TTLL13: variants seen among roughly 807,000 people sequenced by gnomAD.
The protein encoded by TTLL13 is tubulin polyglutamylase TTLL13.
At chr15:90,264,063 GTA>G in the TTLL13 span, 1 of 1,522,128 alleles carries the variant, frequency 6.6e-7, no homozygotes, top group South Asian at 1.2e-5. Context: ...CTAGCCGTAA[GTA>G]TGCAAAACTA....
the TTLL13 span, chr15:90,256,173 G>T: frequency 1.2e-6 from 2 of 1,614,158 alleles, no homozygotes. Flanking sequence ...GGTCGTCAGC[G>T]AAAAGCCCGC....
chr15:90,264,892 G>T, the TTLL13 span: 1 of 1,536,122 alleles, frequency 6.5e-7, no homozygotes, highest in Non-Finnish European at 8.7e-7. Context: ...GAGCAGCCAA[G>T]GTTCCCCTCT....
At chr15:90,256,708 C>T in the TTLL13 span, among the ~76,000 whole-genome samples, 3 of 150,876 alleles carry the variant, frequency 2.0e-5, no homozygotes, top group African/African-American at 4.9e-5. Flanking sequence ...CTCTTTCTTT[C>T]GATGGAGTCT....
the TTLL13 span, among the ~76,000 whole-genome samples, chr15:90,254,282 CAGG>C: frequency 2.6e-5 from 4 of 151,000 alleles, no homozygotes; most frequent in African/African-American, 9.8e-5. Flanking sequence ...ATCATGAGGT[CAGG>C]AGTTCAAGAC....
the TTLL13 span, chr15:90,261,968 C>T: frequency 4.7e-6 from 7 of 1,475,326 alleles, no homozygotes; most frequent in African/African-American, 1.4e-5. Flanking sequence ...AACATTCCCA[C>T]AGCCCTACTC....
the TTLL13 span, among the ~76,000 whole-genome samples, chr15:90,257,462 C>A: frequency 6.6e-6 from 1 of 151,436 alleles, no homozygotes. Flanking sequence ...GGTCAGCACC[C>A]GGAGGAGCCC....
At chr15:90,264,056 G>T in the TTLL13 span, 1 of 1,529,752 alleles carries the variant, frequency 6.5e-7, no homozygotes, top group Non-Finnish European at 8.8e-7. Context: ...AGGCTCACTA[G>T]CCGTAAGTAT....
chr15:90,253,400 G>A, the TTLL13 span: 5 of 1,544,962 alleles, frequency 3.2e-6, no homozygotes, highest in Admixed American at 6.9e-5. Flanking sequence ...GCCGACAGGG[G>A]CTAGGGCCCC....
the TTLL13 span, among the ~76,000 whole-genome samples, chr15:90,260,409 A>T: frequency 6.6e-6 from 1 of 152,184 alleles, no homozygotes; most frequent in African/African-American, 2.4e-5. Context: ...AGGTGAGAGG[A>T]TGGCTTCAGC....
the TTLL13 span, chr15:90,263,219 A>C: frequency 4.3e-4 from 561 of 1,313,418 alleles, no homozygotes; most frequent in Non-Finnish European, 5.2e-4. Context: ...TGTTGGTCTC[A>C]ACAAAGGAGG....
chr15:90,263,802 G>A, the TTLL13 span: 1 of 707,890 alleles, frequency 1.4e-6, no homozygotes, highest in Non-Finnish European at 2.6e-6. Context: ...TGGTCCTACT[G>A]GTGCTCCTAA....
the TTLL13 span, among the ~76,000 whole-genome samples, chr15:90,260,289 C>T: frequency 1.3e-5 from 2 of 151,616 alleles, no homozygotes; most frequent in African/African-American, 2.4e-5. Context: ...CTTGAGCTCA[C>T]GAGTTTGAGA....
chr15:90,258,249 T>G, the TTLL13 span: 1 of 1,614,248 alleles, frequency 6.2e-7, no homozygotes, highest in East Asian at 2.2e-5. Flanking sequence ...GGACCACAAG[T>G]TGAAGCCCTG....
At chr15:90,258,769 G>A in the TTLL13 span, 51 of 1,614,116 alleles carry the variant, frequency 3.2e-5, no homozygotes, top group East Asian at 3.3e-4. Flanking sequence ...GCTTTACCAC[G>A]GACTCATGCC....
At chr15:90,264,603 T>C in the TTLL13 span, 1 of 1,185,570 alleles carries the variant, frequency 8.4e-7, no homozygotes, top group Non-Finnish European at 1.2e-6. Flanking sequence ...GGAAAGACAG[T>C]GGAGGGAAGC....
At chr15:90,264,465 C>T in the TTLL13 span, among the ~76,000 whole-genome samples, 2 of 152,178 alleles carry the variant, frequency 1.3e-5, no homozygotes, top group African/African-American at 2.4e-5. Flanking sequence ...GCCACCGCAC[C>T]AGGCCTATTT....
the TTLL13 span, chr15:90,253,286 G>C: frequency 5.0e-6 from 8 of 1,613,834 alleles, no homozygotes; most frequent in East Asian, 2.2e-5. Flanking sequence ...TGAAGGAGGT[G>C]GGGGAGGATG....
At chr15:90,256,575 TTC>T in the TTLL13 span, among the ~76,000 whole-genome samples, 3 of 31,936 alleles carry the variant, frequency 9.4e-5, no homozygotes, top group Non-Finnish European at 1.8e-4. Flanking sequence ...CTTTCTTTCT[TTC>T]TTTCTTTCTT....
At chr15:90,253,216 A>T in the TTLL13 span, 1 of 1,578,130 alleles carries the variant, frequency 6.3e-7, no homozygotes, top group Admixed American at 1.7e-5. Flanking sequence ...GCTGGTGTCC[A>T]TGCTGGCACT....
Sources: allele counts gnomAD v4.1 joint callset (sites outside exome capture counted in the v4.1 genomes callset), GRCh38; gene constraint gnomAD v4.1.1; transcripts MANE v1.5; gene names NCBI Gene and HGNC (gene_info 2026-07-23, HGNC 2026-07-21).